LOC728743: variants seen among roughly 807,000 people sequenced by gnomAD.
chr7:150,408,181 C>T, the LOC728743 span: 2 of 392,380 alleles, frequency 5.1e-6, no homozygotes, highest in East Asian at 3.6e-5. Context: ...GCCACGGCCA[C>T]GGGCCCGAGG....
At chr7:150,406,248 G>A in the LOC728743 span, among the ~76,000 whole-genome samples, 5 of 152,192 alleles carry the variant, frequency 3.3e-5, no homozygotes, top group Non-Finnish European at 5.9e-5. Flanking sequence ...AGAGGCCTTC[G>A]GGGAGGTCCA....
chr7:150,405,571 T>C, the LOC728743 span: 1 of 115,744 alleles, frequency 8.6e-6, no homozygotes, highest in African/African-American at 3.3e-5. Context: ...GGGCTTGCAG[T>C]CGGGCGGGGT....
the LOC728743 span, chr7:150,405,395 G>C: frequency 2.0e-5 from 3 of 152,220 alleles, no homozygotes; most frequent in Non-Finnish European, 4.4e-5. Context: ...GACCCTCGGG[G>C]GCGGGTCACT....
the LOC728743 span, among the ~76,000 whole-genome samples, chr7:150,402,560 C>T: frequency 1.3e-5 from 2 of 152,256 alleles, no homozygotes; most frequent in African/African-American, 2.4e-5. Context: ...GACAAAGAGA[C>T]GCTAAAATAG....
the LOC728743 span, chr7:150,404,921 T>A: frequency 6.6e-6 from 1 of 152,262 alleles, no homozygotes; most frequent in Non-Finnish European, 1.5e-5. Flanking sequence ...GCTCCGGCGC[T>A]CAGCCCATGT....
chr7:150,409,564 C>T, the LOC728743 span, among the ~76,000 whole-genome samples: 1 of 152,202 alleles, frequency 6.6e-6, no homozygotes, highest in Non-Finnish European at 1.5e-5. Flanking sequence ...CAGGTGGAAG[C>T]CAGGGCTTTG....
the LOC728743 span, among the ~76,000 whole-genome samples, chr7:150,408,988 C>T: frequency 2.6e-5 from 4 of 152,124 alleles, no homozygotes; most frequent in Non-Finnish European, 5.9e-5. Context: ...CGGTGTGTGA[C>T]GCGGGGCCAA....
chr7:150,407,344 G>T, the LOC728743 span, among the ~76,000 whole-genome samples: 1 of 152,206 alleles, frequency 6.6e-6, no homozygotes, highest in Non-Finnish European at 1.5e-5. Context: ...GTCAGGGAAG[G>T]CTTCTAGGAG....
chr7:150,408,391 G>T, the LOC728743 span: 2 of 361,326 alleles, frequency 5.5e-6, no homozygotes, highest in Non-Finnish European at 9.9e-6. Flanking sequence ...CCGGCCGCCC[G>T]CTCGCGTTCC....
At chr7:150,406,410 G>A in the LOC728743 span, among the ~76,000 whole-genome samples, 1 of 152,168 alleles carries the variant, frequency 6.6e-6, no homozygotes, top group Non-Finnish European at 1.5e-5. Context: ...TGGAATGCAT[G>A]GCTCTGTGAC....
chr7:150,408,299 C>T, the LOC728743 span: 4 of 364,270 alleles, frequency 1.1e-5, no homozygotes, highest in Middle Eastern at 7.1e-4. Flanking sequence ...TGGCCCTGGG[C>T]CGCAGCTCCC....
chr7:150,407,146 A>C, the LOC728743 span, among the ~76,000 whole-genome samples: 1 of 152,166 alleles, frequency 6.6e-6, no homozygotes, highest in Admixed American at 6.5e-5. Context: ...ACTGAAACTC[A>C]TCACCATCTG....
chr7:150,406,839 C>G, the LOC728743 span, among the ~76,000 whole-genome samples: 5 of 152,164 alleles, frequency 3.3e-5, no homozygotes, highest in Non-Finnish European at 5.9e-5. Context: ...CCCTGGGAGC[C>G]CACACCCTGG....
the LOC728743 span, among the ~76,000 whole-genome samples, chr7:150,403,816 G>C: frequency 1.3e-5 from 2 of 152,194 alleles, no homozygotes; most frequent in Admixed American, 1.3e-4. This position sits in a 1 kb window ranked among gnomAD's most constrained non-coding sequence, Gnocchi z 5.1. Flanking sequence ...GGTAGGAGTG[G>C]ATTCTCCAGA....
the LOC728743 span, chr7:150,400,780 T>G: frequency 6.6e-6 from 1 of 152,202 alleles, no homozygotes; most frequent in Non-Finnish European, 1.5e-5. Context: ...ATGATAAACC[T>G]GGGTCAGAGG....
the LOC728743 span, among the ~76,000 whole-genome samples, chr7:150,403,174 G>C: frequency 1.3e-5 from 2 of 152,122 alleles, no homozygotes; most frequent in African/African-American, 4.8e-5. The surrounding 1 kb of genome is among the most constrained non-coding windows in gnomAD (Gnocchi z 5.1). Flanking sequence ...AATGGGATGA[G>C]GGGGAACCTT....
At chr7:150,410,343 G>T in the LOC728743 span, 7 of 395,084 alleles carry the variant, frequency 1.8e-5, no homozygotes, top group African/African-American at 1.4e-4. Context: ...TTGGAGCCTG[G>T]AATTGGAAGC....
At chr7:150,410,247 C>T in the LOC728743 span, 1 of 398,736 alleles carries the variant, frequency 2.5e-6, no homozygotes, top group Middle Eastern at 6.3e-4. Context: ...GGAGGCCTGG[C>T]TGGCACTGCA....
chr7:150,405,143 C>T, the LOC728743 span: 2 of 152,266 alleles, frequency 1.3e-5, no homozygotes, highest in Admixed American at 6.5e-5. Flanking sequence ...CGGAACCGGC[C>T]CCCGCATGGT....
Sources: allele counts gnomAD v4.1 joint callset (sites outside exome capture counted in the v4.1 genomes callset), GRCh38; gene constraint gnomAD v4.1.1; non-coding constraint Gnocchi (gnomAD v3.1); transcripts MANE v1.5.